The following ADGRL3 variants were observed in gnomAD, a reference collection of about 807,000 sequenced individuals.
ADGRL3 encodes the protein calcium-independent alpha-latrotoxin receptor 3.
A neutral mutation model predicts 153.5 loss-of-function variants in ADGRL3; 62 were observed. The ratio of observed to expected loss-of-function variants is 0.40; its 90% confidence interval spans 0.33 to 0.50. ADGRL3 has a LOEUF of 0.50. Among genes scored for constraint, ADGRL3 ranks in the 20% least tolerant of loss-of-function variants. The probability of loss-of-function intolerance (pLI) is 0.47; values close to 1 mark genes in which losing one functional copy is unlikely to be tolerated. For synonymous variants in ADGRL3, 710 were observed against 672.5 expected (o/e 1.06, Z -0.86); for missense variants, 1,641 against 1,859.4 (o/e 0.88, Z 2.16).
chr4:61,998,496 G>A (rs1181814988), intron 21 of ADGRL3, among the ~76,000 whole-genome samples: 1 of 151,544 alleles, frequency 6.6e-6, no homozygotes, highest in Non-Finnish European at 1.5e-5. Context: ...TTTGGAACAT[G>A]ATAAGTTTTA....
chr4:61,648,469 T>C (rs2094126413), intron 5 of ADGRL3, among the ~76,000 whole-genome samples: 1 of 151,668 alleles, frequency 6.6e-6, no homozygotes, highest in Non-Finnish European at 1.5e-5. Flanking sequence ...GTCCAGGATT[T>C]ATCTCTTTTG....
intron 1 of ADGRL3, among the ~76,000 whole-genome samples, chr4:61,298,277 CAT>C (rs1406136532): frequency 6.6e-6 from 1 of 152,028 alleles, no homozygotes. Context: ...ATGAGAATAT[CAT>C]AGTAATATTC....
chr4:61,870,023 G>T (rs976618933), intron 9 of ADGRL3, among the ~76,000 whole-genome samples: 1 of 132,488 alleles, frequency 7.5e-6, no homozygotes, highest in Non-Finnish European at 1.6e-5. Flanking sequence ...AGGAAAGAAA[G>T]AAGAAAGAAA....
chr4:61,815,052 G>C (rs1469210595), intron 9 of ADGRL3, among the ~76,000 whole-genome samples: 1 of 152,132 alleles, frequency 6.6e-6, no homozygotes, highest in Non-Finnish European at 1.5e-5. Context: ...GACAGTGAAG[G>C]TGACCGCCTA....
chr4:61,708,985 T>C (rs2095909133), intron 6 of ADGRL3, among the ~76,000 whole-genome samples: 1 of 151,932 alleles, frequency 6.6e-6, no homozygotes, highest in African/African-American at 2.4e-5. Flanking sequence ...GATTTCTGTA[T>C]TTTTAGTAGA....
chr4:61,796,212 A>G (rs1434924938), intron 8 of ADGRL3, among the ~76,000 whole-genome samples: 1 of 152,124 alleles, frequency 6.6e-6, no homozygotes, highest in African/African-American at 2.4e-5. Flanking sequence ...TATGCAAATG[A>G]CGCCCTGCAC....
At chr4:61,449,171 CTG>C (rs1313020386) in intron 2 of ADGRL3, among the ~76,000 whole-genome samples, 1 of 151,896 alleles carries the variant, frequency 6.6e-6, no homozygotes, top group Non-Finnish European at 1.5e-5. Flanking sequence ...GAGTCTCACT[CTG>C]TCGCCAGGCT....
rs558478028 is a variant in ADGRL3, at chr4:61,768,944, G to A, written c.1399+35390G>A. Among the ~76,000 whole-genome samples the A allele has an allele frequency of 1.9e-3, 288 of 151,962 alleles. 11 individuals carry two copies. In the South Asian group the frequency reaches 0.05, roughly 26 times the overall value. On this transcript the variant is annotated intron_variant, in intron 8 of 26. Transcript: ENST00000683033. ...AAGAGGTTGGGGTGTGGAAATACGCGATTGGGGCACAGAGATAAGAGGTTG... is the reference window on the plus strand; with the variant it reads ...AAGAGGTTGGGGTGTGGAAATACGCAATTGGGGCACAGAGATAAGAGGTTG...
intron 5 of ADGRL3, among the ~76,000 whole-genome samples, chr4:61,601,580 A>C (rs1425180230): frequency 6.6e-6 from 1 of 152,160 alleles, no homozygotes; most frequent in African/African-American, 2.4e-5. Flanking sequence ...ATTGGAAATA[A>C]ATTATCATTT....
At chr4:61,574,701 T>C (rs2098858963) in intron 4 of ADGRL3, among the ~76,000 whole-genome samples, 1 of 151,910 alleles carries the variant, frequency 6.6e-6, no homozygotes, top group Non-Finnish European at 1.5e-5. Context: ...TTTGAATTAA[T>C]ATATTTCTAA....
intron 1 of ADGRL3, among the ~76,000 whole-genome samples, chr4:61,212,827 T>G (rs576049997): frequency 6.6e-6 from 1 of 152,314 alleles, no homozygotes; most frequent in Non-Finnish European, 1.5e-5. Context: ...ACACTAAAAA[T>G]TAGTATGCTG....
intron 6 of ADGRL3, among the ~76,000 whole-genome samples, chr4:61,690,446 T>A (rs1049401832): frequency 1.3e-5 from 2 of 151,834 alleles, no homozygotes; most frequent in African/African-American, 4.8e-5. Flanking sequence ...TTTTTTTTTT[T>A]AATTTAAAGT....
At chr4:61,721,974 A>G (rs188844667) in intron 6 of ADGRL3, among the ~76,000 whole-genome samples, 2 of 152,322 alleles carry the variant, frequency 1.3e-5, no homozygotes, top group East Asian at 3.9e-4. Context: ...ATATAAAAAT[A>G]TATAAGAAAC....
At chr4:61,793,448 A>C (rs1455081870) in intron 8 of ADGRL3, among the ~76,000 whole-genome samples, 1 of 151,846 alleles carries the variant, frequency 6.6e-6, no homozygotes, top group Non-Finnish European at 1.5e-5. Flanking sequence ...CAAAAATCAG[A>C]TCTCATGAGG....
intron 8 of ADGRL3, among the ~76,000 whole-genome samples, chr4:61,789,810 G>A (rs1468963194): frequency 1.3e-5 from 2 of 152,098 alleles, no homozygotes; most frequent in Non-Finnish European, 2.9e-5. Flanking sequence ...CAATGTTAAA[G>A]CTTCCAAAAC....
intron 21 of ADGRL3, among the ~76,000 whole-genome samples, chr4:62,006,027 TATATA>T (rs1364002547): frequency 2.0e-4 from 20 of 100,006 alleles, no homozygotes; most frequent in African/African-American, 6.2e-4. Flanking sequence ...TATATATATA[TATATA>T]TTTTTTTTTT....
At chr4:61,636,395 A>G (rs1341607259) in intron 5 of ADGRL3, among the ~76,000 whole-genome samples, 2 of 152,222 alleles carry the variant, frequency 1.3e-5, no homozygotes, top group Admixed American at 1.3e-4. Flanking sequence ...GAAATGGTGT[A>G]CAACATGTGG....
At chr4:61,976,734 G>T (rs1319524508) in intron 17 of ADGRL3, among the ~76,000 whole-genome samples, 2 of 152,128 alleles carry the variant, frequency 1.3e-5, no homozygotes, top group Admixed American at 6.6e-5. Flanking sequence ...TGTAAGACGT[G>T]TCTTGCTCCC....
rs183555785 is a variant in ADGRL3, at chr4:61,405,295, T to C, written c.-174+22106T>C. On this transcript the variant is annotated intron_variant, in intron 2 of 26. Transcript: ENST00000683033. ...GCTTTAACATACTTTCATGTGTGTG[T>C]AATTAGTATTATAGTAACTATACAT... 6.6e-5 allele frequency among the ~76,000 whole-genome samples: 10 copies of C among 152,190 alleles called. No individual in the cohort carries two copies. The East Asian group carries it at 1.2e-3, about 18-fold the overall frequency.
Sources: gnomAD v4.1 joint callset for allele counts (sites outside exome capture counted in the v4.1 genomes callset) on GRCh38, gnomAD v4.1.1 for gene constraint, MANE v1.5 for transcripts, NCBI Gene and HGNC (gene_info 2026-07-23, HGNC 2026-07-21) for gene names.